Variants in MTDH observed in about 807,000 individuals in gnomAD.
MTDH encodes metadherin.
A neutral mutation model predicts 72.7 loss-of-function variants in MTDH; 34 were observed. The ratio of observed to expected loss-of-function variants is 0.47; its 90% CI spans 0.36 to 0.62. The LOEUF (loss-of-function observed/expected upper bound fraction) is 0.62. MTDH is among the 20% of genes least tolerant of loss of function. The probability of loss-of-function intolerance (pLI) is 0.00; values close to 1 mark genes in which losing one functional copy is unlikely to be tolerated. For synonymous variants in MTDH, 266 were observed against 268.9 expected (o/e 0.99, Z 0.10); for missense variants, 677 against 699.4 (o/e 0.97, Z 0.36).
At chr8:97,706,937 A>G (rs886123144) in intron 8 of MTDH, among the ~76,000 whole-genome samples, 187 bp downstream of exon 8, 2 of 152,126 alleles carry the variant, frequency 1.3e-5, no homozygotes, top group Non-Finnish European at 1.5e-5. Flanking sequence ...AAATAAAGCA[A>G]CTGAAGGAGA....
At chr8:97,669,542 T>C (rs1812528382) in intron 2 of MTDH, among the ~76,000 whole-genome samples, 1 of 151,904 alleles carries the variant, frequency 6.6e-6, no homozygotes, top group African/African-American at 2.4e-5. Flanking sequence ...CCGCCACTTA[T>C]CCCCAGTCCC....
chr8:97,687,727 C>A, intron 4 of MTDH, 122 bp downstream of exon 4: 2 of 810,174 alleles, frequency 2.5e-6, no homozygotes, highest in African/African-American at 1.8e-5. Flanking sequence ...GCTGATATAC[C>A]CTTCTTCATG....
At chr8:97,667,172 A>G (rs10955128) in intron 2 of MTDH, among the ~76,000 whole-genome samples, 4,519 of 152,172 alleles carry the variant, frequency 0.03, 92 homozygotes, top group Non-Finnish European at 0.045. Flanking sequence ...TTTTGTAGAG[A>G]CGCTGTCTTA....
At chr8:97,688,753 T>C (rs969699227) in intron 4 of MTDH, among the ~76,000 whole-genome samples, 1 of 152,170 alleles carries the variant, frequency 6.6e-6, no homozygotes, top group African/African-American at 2.4e-5. Flanking sequence ...CTTAAAATAA[T>C]CTTGATAACT....
At chr8:97,665,865 G>T (rs1023443942) in intron 2 of MTDH, among the ~76,000 whole-genome samples, 1 of 152,150 alleles carries the variant, frequency 6.6e-6, no homozygotes, top group African/African-American at 2.4e-5. Flanking sequence ...GGTGGCTCAC[G>T]CCTGTAATCC....
chr8:97,692,874 C>T (rs184345990), intron 6 of MTDH, among the ~76,000 whole-genome samples: 3 of 151,674 alleles, frequency 2.0e-5, no homozygotes, highest in African/African-American at 7.3e-5. Flanking sequence ...GGATTACAGG[C>T]GCACACCACC....
chr8:97,669,955 T>C (rs1431626173), intron 2 of MTDH, among the ~76,000 whole-genome samples: 1 of 151,634 alleles, frequency 6.6e-6, no homozygotes, highest in African/African-American at 2.4e-5. Flanking sequence ...CCTTTTCTAC[T>C]TGCGTTTCTG....
At chr8:97,684,079 G>A (rs1813255651) in intron 2 of MTDH, among the ~76,000 whole-genome samples, 2 of 147,422 alleles carry the variant, frequency 1.4e-5, no homozygotes, top group African/African-American at 2.5e-5. Context: ...AGAGGTTGCG[G>A]TGAACTGAGA....
At chr8:97,694,106 C>G (rs1247247696) in intron 6 of MTDH, among the ~76,000 whole-genome samples, 1 of 151,934 alleles carries the variant, frequency 6.6e-6, no homozygotes, top group Admixed American at 6.6e-5. Context: ...TTTATCTGCT[C>G]TAATTTGAGG....
intron 1 of MTDH, among the ~76,000 whole-genome samples, chr8:97,647,599 G>A (rs749124422): frequency 7.9e-5 from 12 of 152,140 alleles, no homozygotes; most frequent in Non-Finnish European, 1.6e-4. Context: ...AAAGGCCCAG[G>A]ATTGAAAGAA....
At chr8:97,680,362 C>T (rs1040421071) in intron 2 of MTDH, among the ~76,000 whole-genome samples, 1 of 152,102 alleles carries the variant, frequency 6.6e-6, no homozygotes, top group Non-Finnish European at 1.5e-5. Flanking sequence ...CATGTACCAC[C>T]GCACCCAGCT....
In MTDH at chr8:97,727,361, G is replaced by C. The variant is rs1275814278; in HGVS notation, c.*2691G>C. On this transcript the variant is annotated 3_prime_UTR_variant, in exon 12 of 12. Coordinates refer to ENST00000336273, the MANE Select transcript of MTDH (RefSeq NM_178812.4). ...CAAAATTTGCAAAAAGTAGATGGGTGTGGTAGTGGGCGCCTGTAATCCCAG... is the reference window on the plus strand; with the variant it reads ...CAAAATTTGCAAAAAGTAGATGGGTCTGGTAGTGGGCGCCTGTAATCCCAG... The C allele has an allele frequency of 6.6e-6, 1 of 152,100 alleles. No individual in the cohort carries two copies. Among genetic ancestry groups the C allele is most frequent in the Non-Finnish European group, 1.5e-5 (1 of 68,160 alleles). 9.4% of individuals were successfully genotyped at this position (152,100 alleles called of 1,614,324 possible). A position where few individuals can be genotyped will look rare whatever the true frequency, so the allele number is the denominator to read the frequency against.
chr8:97,665,687 A>T (rs1347343902), intron 2 of MTDH, among the ~76,000 whole-genome samples: 2 of 152,218 alleles, frequency 1.3e-5, no homozygotes, highest in Non-Finnish European at 2.9e-5. Context: ...GACATTATTT[A>T]GATTAAACAA....
chr8:97,647,949 A>C (rs1811626649), intron 1 of MTDH, among the ~76,000 whole-genome samples: 1 of 150,568 alleles, frequency 6.6e-6, no homozygotes, highest in Non-Finnish European at 1.5e-5. Flanking sequence ...GTCTCCTAAA[A>C]GAAAAAAAAA....
chr8:97,705,153 C>T (rs904186904), intron 7 of MTDH, among the ~76,000 whole-genome samples: 7 of 151,320 alleles, frequency 4.6e-5, no homozygotes, highest in Non-Finnish European at 2.9e-5. Flanking sequence ...AAAAATTAGC[C>T]GGGTGTGGTG....
intron 2 of MTDH, among the ~76,000 whole-genome samples, 170 bp from the exon 3 acceptor site, chr8:97,686,498 C>T (rs966210126): frequency 6.6e-6 from 1 of 152,162 alleles, no homozygotes; most frequent in Admixed American, 6.6e-5. Context: ...ACCACTCACT[C>T]AATGGTAACC....
chr8:97,660,952 T>C (rs1812152926), intron 1 of MTDH, 120 bp from the exon 2 acceptor site: 7 of 595,860 alleles, frequency 1.2e-5, no homozygotes, highest in African/African-American at 1.8e-5. Flanking sequence ...GTACAAAAAC[T>C]TTTTAAATTT....
At chr8:97,708,147 T>TACCATGTTGGTTTC (rs1814441129) in intron 8 of MTDH, among the ~76,000 whole-genome samples, 1 of 151,810 alleles carries the variant, frequency 6.6e-6, no homozygotes, top group Non-Finnish European at 1.5e-5. Flanking sequence ...TTTGTACTTT[T>TACCATGTTGGTTTC]ACCATGTTGG....
chr8:97,694,437 T>C (rs528900771), intron 6 of MTDH, among the ~76,000 whole-genome samples: 55 of 152,244 alleles, frequency 3.6e-4, no homozygotes, highest in African/African-American at 1.3e-3. Context: ...TCTCAGGTGA[T>C]CCACCTGCCT....
Sources: gnomAD v4.1 joint callset for allele counts (sites outside exome capture counted in the v4.1 genomes callset) on GRCh38, gnomAD v4.1.1 for gene constraint, MANE v1.5 for transcripts, NCBI Gene and HGNC (gene_info 2026-07-23, HGNC 2026-07-21) for gene names.